R3HDM2: variants seen among roughly 807,000 people sequenced by gnomAD.
R3HDM2 encodes the protein R3H domain-containing protein 2.
R3HDM2 carries 38 observed loss-of-function variants against 124.5 expected under a neutral mutation model. The observed-to-expected ratio is 0.31, with a 90% CI of 0.24 to 0.40. The LOEUF (loss-of-function observed/expected upper bound fraction) is 0.40. Among genes scored for constraint, R3HDM2 ranks in the 10% least tolerant of loss-of-function variants. The pLI is 1.00. For missense variants in R3HDM2, 869 were observed against 1,236.9 expected (o/e 0.70, Z 4.46); for synonymous variants, 391 against 448.0 (o/e 0.87, Z 1.61).
rs1052168395 is a variant in R3HDM2 at position 57,408,325 on chromosome 12, C to T, written c.-105-12507G>A. 2.6e-5 allele frequency among the ~76,000 whole-genome samples: 4 copies of T among 152,144 alleles called. No homozygotes were observed. In the East Asian group the frequency reaches 7.7e-4, roughly 29 times the overall value. On this transcript the variant is annotated intron_variant, in intron 1 of 23. Transcript: ENST00000402412. ...CAAGTGATCCTCCCACTTCGGACTC[C>T]CAAAGTGCCAGGATTATAGGCATGA...
In R3HDM2 at chr12:57,258,002, C is replaced by A. The variant is rs1392828769; in HGVS notation, c.2437G>T (p.Gly813Cys). 2 of 1,563,272 alleles carry A rather than the reference C, an allele frequency of 1.3e-6. No individual in the cohort carries two copies. The highest frequency in any genetic ancestry group is 1.7e-6 in the Non-Finnish European group (2 of 1,147,042). ...PVLTQFPRPG[G>C]PAQGDGRYSL... ...TCTAACCCCCTACCCTGTGCTGGAC[C>A]CCCAGGCCGGGGGAACTGTGTGAGG... The change falls in exon 21 of 24, where the codon GGT becomes TGT. Residue 813 changes from glycine (G) to cysteine (C), a missense_variant. Gly to Cys is a radical substitution (Grantham distance 159). Around this residue, in one of 2 missense-constraint regions of R3HDM2, gnomAD observed 602 missense variants for 789.2 expected, o/e 0.76. Transcript: ENST00000402412.
At chr12:57,286,886 T>TA (rs559496113) in intron 12 of R3HDM2, among the ~76,000 whole-genome samples, 38 of 144,690 alleles carry the variant, frequency 2.6e-4, no homozygotes, top group African/African-American at 7.4e-4. Context: ...CTCAGGGAAA[T>TA]AAAAAAAAAA....
chr12:57,386,498 C>A (rs997051021), intron 2 of R3HDM2, among the ~76,000 whole-genome samples: 4 of 152,256 alleles, frequency 2.6e-5, no homozygotes, highest in Non-Finnish European at 4.4e-5. Context: ...CCTTAGCTGC[C>A]TCCCCTCGGG....
chr12:57,268,184 A>G, intron 18 of R3HDM2, 119 bp downstream of exon 18: 1 of 1,072,004 alleles, frequency 9.3e-7, no homozygotes, highest in African/African-American at 1.6e-5. Flanking sequence ...TACCTGCTTT[A>G]GGGAACTACT....
chr12:57,276,249 T>C (rs1467615179), intron 14 of R3HDM2, among the ~76,000 whole-genome samples: 1 of 150,894 alleles, frequency 6.6e-6, no homozygotes, highest in East Asian at 1.9e-4. Context: ...AGAACTACCA[T>C]TTGATTCAGG....
chr12:57,416,977 G>A (rs545342515), intron 1 of R3HDM2, among the ~76,000 whole-genome samples: 55 of 150,776 alleles, frequency 3.6e-4, no homozygotes, highest in African/African-American at 1.1e-3. Context: ...GCGTGGTGGC[G>A]GGCACCTGTA....
At chr12:57,349,303 C>T (rs1471527818) in intron 2 of R3HDM2, among the ~76,000 whole-genome samples, 1 of 144,234 alleles carries the variant, frequency 6.9e-6, no homozygotes, top group Non-Finnish European at 1.5e-5. Flanking sequence ...TGGCGTGAAC[C>T]CGGGAGGCAG....
chr12:57,365,134 C>T (rs2062471047), intron 2 of R3HDM2, among the ~76,000 whole-genome samples: 1 of 150,630 alleles, frequency 6.6e-6, no homozygotes, highest in East Asian at 2.0e-4. Flanking sequence ...CAAGGTGGCG[C>T]ATGCCTGTAA....
At position 57,298,123 on chromosome 12, in the gene R3HDM2, T is replaced by C. The variant is rs1251856214; in HGVS notation, c.467A>G (p.Glu156Gly). Residue 156 changes from glutamate to glycine, a missense_variant, in exon 7 of 24, where the codon GAA becomes GGA. This residue lies in a region of R3HDM2 where 267 missense variants were observed against 447.7 expected (regional missense o/e 0.60). Transcript: ENST00000402412. ...YTDSTGIDLH[E>G]FLVNTLKKNP... ...CTTTTTCAGTGTATTTACAAGAAAT[T>C]CATGTAGGTCTATTCCAGTGGAGTC... The C allele has an allele frequency of 1.9e-6, 3 of 1,551,102 alleles. No homozygotes were observed. Among genetic ancestry groups the C allele is most frequent in the Non-Finnish European group, 2.6e-6 (3 of 1,146,774 alleles).
intron 1 of R3HDM2, among the ~76,000 whole-genome samples, chr12:57,403,574 A>C (rs2068244123): frequency 6.6e-6 from 1 of 152,032 alleles, no homozygotes; most frequent in African/African-American, 2.4e-5. Flanking sequence ...TTTGGGAGAC[A>C]GGGGCGGGTG....
At chr12:57,387,051 G>A (rs564490169) in intron 2 of R3HDM2, among the ~76,000 whole-genome samples, 1 of 152,102 alleles carries the variant, frequency 6.6e-6, no homozygotes, top group Non-Finnish European at 1.5e-5. Flanking sequence ...GTGGGGACGT[G>A]GAGAACTTTT....
rs531504011 is a variant in R3HDM2 at position 57,419,923 on chromosome 12, CT to C, written c.-106+10796del. Among the ~76,000 whole-genome samples, 197 of 152,106 alleles carry C rather than the reference CT, an allele frequency of 1.3e-3. 2 individuals are homozygous for C. The highest frequency in any genetic ancestry group is 4.5e-3 in the African/African-American group (187 of 41,484). ...GAACTTGCCTCTCTTCTCAAGGCCCCTATTCAACCAACCTGCCTTACGCTAA... is the reference window on the plus strand; with the variant it reads ...GAACTTGCCTCTCTTCTCAAGGCCCCATTCAACCAACCTGCCTTACGCTAA... On this transcript the variant is annotated intron_variant, in intron 1 of 23. Coordinates refer to ENST00000402412, the MANE Select transcript of R3HDM2 (RefSeq NM_001394031.1).
In R3HDM2 at chr12:57,310,354, A is replaced by G. The variant is rs1227028147; in HGVS notation, c.75T>C (p.Ser25=). Residue 25 remains serine, a synonymous_variant, in exon 3 of 24, where the codon TCT becomes TCC. Transcript: ENST00000402412. ...TAGATATAAACTTGTTTTTGTTTAC[A>G]GATTCTTCCACCAGTTTTTTTTCTG... ...KESEKKLVEE[S]VNKNKFISKT... is the part of the protein sequence containing the mutation. 2 of 1,549,246 alleles carry G rather than the reference A, an allele frequency of 1.3e-6. No individual in the cohort carries two copies. The highest frequency in any genetic ancestry group is 1.7e-6 in the Non-Finnish European group (2 of 1,145,488).
At chr12:57,315,534 C>T (rs1213098196) in intron 2 of R3HDM2, among the ~76,000 whole-genome samples, 3 of 152,132 alleles carry the variant, frequency 2.0e-5, no homozygotes, top group African/African-American at 4.8e-5. Context: ...GGGTATATTT[C>T]GTCAAATCAA....
At chr12:57,344,946 T>C (rs2059940264) in intron 2 of R3HDM2, among the ~76,000 whole-genome samples, 1 of 152,142 alleles carries the variant, frequency 6.6e-6, no homozygotes, top group Non-Finnish European at 1.5e-5. Flanking sequence ...GCGATTCTCC[T>C]GCCTCAGCCT....
intron 9 of R3HDM2, among the ~76,000 whole-genome samples, chr12:57,295,761 T>C (rs993659692): frequency 2.0e-5 from 3 of 152,210 alleles, no homozygotes; most frequent in African/African-American, 7.2e-5. Context: ...CCAGACTTCA[T>C]GAAACATCAG....
chr12:57,422,455 C>A (rs1239212768), intron 1 of R3HDM2, among the ~76,000 whole-genome samples: 1 of 152,146 alleles, frequency 6.6e-6, no homozygotes, highest in East Asian at 1.9e-4. Flanking sequence ...TTGCTCTATA[C>A]CTCCATGATT....
At chr12:57,369,259 C>G (rs2063025720) in intron 2 of R3HDM2, among the ~76,000 whole-genome samples, 1 of 152,160 alleles carries the variant, frequency 6.6e-6, no homozygotes, top group South Asian at 2.1e-4. Flanking sequence ...GCAAACATAA[C>G]TCTTGTGAAA....
intron 19 of R3HDM2, among the ~76,000 whole-genome samples, chr12:57,259,405 C>A (rs74693934): frequency 6.6e-6 from 1 of 152,200 alleles, no homozygotes; most frequent in Non-Finnish European, 1.5e-5. Context: ...AGGCATGGTA[C>A]GGGTCCAGGT....
Sources: allele counts gnomAD v4.1 joint callset (sites outside exome capture counted in the v4.1 genomes callset), GRCh38; gene constraint gnomAD v4.1.1; regional missense constraint gnomAD v4.1.1; transcripts MANE v1.5; gene names NCBI Gene and HGNC (gene_info 2026-07-23, HGNC 2026-07-21).